STAG1: variants seen among roughly 807,000 people sequenced by gnomAD.
STAG1 encodes the protein cohesin subunit SA-1.
A neutral mutation model predicts 170.9 loss-of-function variants in STAG1; 26 were observed. The ratio of observed to expected loss-of-function variants is 0.15; its 90% CI spans 0.11 to 0.21. The LOEUF (loss-of-function observed/expected upper bound fraction) is 0.21, where lower values mean the gene tolerates loss of function less well. Ranked by LOEUF, STAG1 falls within the 10% of genes least tolerant of loss-of-function variation. The probability of loss-of-function intolerance (pLI) is 1.00; values close to 1 mark genes in which losing one functional copy is unlikely to be tolerated. For missense variants in STAG1, 964 were observed against 1,509.5 expected, an observed-to-expected ratio of 0.64 and a Z score of 5.99; for synonymous variants, 514 against 497.7, an observed-to-expected ratio of 1.03 and a Z score of -0.44.
At chr3:136,654,174 A>T (rs9869361) in intron 1 of STAG1, among the ~76,000 whole-genome samples, 53,045 of 152,050 alleles carry the variant, frequency 0.35, 10,397 homozygotes, top group African/African-American at 0.52. Context: ...AATAAAAGCA[A>T]CCAAATTGAA....
At chr3:136,524,621 T>G (rs1322549132) in intron 6 of STAG1, among the ~76,000 whole-genome samples, 2 of 152,210 alleles carry the variant, frequency 1.3e-5, no homozygotes. Context: ...GGCCAGAACT[T>G]CCAACACTAT....
chr3:136,501,370 AC>A (rs1193803333), intron 8 of STAG1, among the ~76,000 whole-genome samples: 3 of 152,192 alleles, frequency 2.0e-5, no homozygotes, highest in Non-Finnish European at 4.4e-5. Flanking sequence ...TTAGGAGAGG[AC>A]TGTGGCAGAT....
intron 5 of STAG1, among the ~76,000 whole-genome samples, chr3:136,561,355 G>A (rs974986224): frequency 1.3e-5 from 2 of 152,202 alleles, no homozygotes; most frequent in African/African-American, 4.8e-5. Flanking sequence ...AGTTTTCATT[G>A]AGTGCTTTTA....
At chr3:136,602,242 G>A (rs1020870656) in intron 4 of STAG1, among the ~76,000 whole-genome samples, 3 of 151,932 alleles carry the variant, frequency 2.0e-5, no homozygotes, top group African/African-American at 7.3e-5. Flanking sequence ...AGCTGGGCAT[G>A]GTGGTGTGTG....
At chr3:136,352,611 T>C (rs1210106318) in intron 28 of STAG1, among the ~76,000 whole-genome samples, 1 of 152,204 alleles carries the variant, frequency 6.6e-6, no homozygotes, top group African/African-American at 2.4e-5. Context: ...TTACAATGCT[T>C]TGACTTATGA....
chr3:136,683,450 G>C (rs1049151448), intron 1 of STAG1, among the ~76,000 whole-genome samples: 1 of 152,100 alleles, frequency 6.6e-6, no homozygotes, highest in Non-Finnish European at 1.5e-5. Context: ...GTTTTGTAGA[G>C]CTGGGGTTTT....
intron 14 of STAG1, among the ~76,000 whole-genome samples, chr3:136,444,565 C>A (rs915601405): frequency 1.3e-5 from 2 of 152,208 alleles, no homozygotes; most frequent in African/African-American, 4.8e-5. Context: ...GCAATCCATT[C>A]TTGGGTTATT....
intron 14 of STAG1, among the ~76,000 whole-genome samples, chr3:136,449,924 C>T (rs2088890371): frequency 7.8e-6 from 1 of 128,384 alleles, no homozygotes; most frequent in South Asian, 2.5e-4. Flanking sequence ...TTTTTAGAGA[C>T]AGGGTCTTGC....
Position 136,651,817 on chromosome 3 carries a change from TGA to T in STAG1, c.-83-20838_-83-20837del, listed in dbSNP as rs566782587. ...TCAGTGCCATATCTCCAACGGACCC[TGA>T]GATACTTCCATGACATCCTAAGCTC... On this transcript the variant is annotated intron_variant, in intron 1 of 33. Transcript: ENST00000383202. Among the ~76,000 whole-genome samples the T allele has an allele frequency of 2.0e-4, 30 of 152,236 alleles. 1 individual carries two copies. In the South Asian group the frequency reaches 4.4e-3, roughly 22 times the overall value.
At chr3:136,610,756 C>A (rs1302603364) in intron 3 of STAG1, among the ~76,000 whole-genome samples, 1 of 152,036 alleles carries the variant, frequency 6.6e-6, no homozygotes, top group African/African-American at 2.4e-5. Flanking sequence ...AGAAAAAAAA[C>A]ACATTTACTC....
chr3:136,565,042 AAGGGAGGGAGGGAGGGAGGGAGGGAGGG>A (rs1166702763), intron 5 of STAG1, among the ~76,000 whole-genome samples: 15 of 11,496 alleles, frequency 1.3e-3, no homozygotes, highest in Non-Finnish European at 5.8e-4. Context: ...AGGCAGGCAG[AAGGGAGGGAGGGAGGGAGGGAGGGAGGG>A]AGGGAGGGAG....
At chr3:136,710,478 A>G (rs1463195167) in intron 1 of STAG1, among the ~76,000 whole-genome samples, 1 of 152,078 alleles carries the variant, frequency 6.6e-6, no homozygotes, top group African/African-American at 2.4e-5. Flanking sequence ...CTCACACACA[A>G]CACTATGCAG....
intron 9 of STAG1, among the ~76,000 whole-genome samples, chr3:136,488,049 TGA>T (rs547946415): frequency 1.3e-5 from 2 of 152,242 alleles, no homozygotes; most frequent in African/African-American, 4.8e-5. Context: ...TGTAATCTTA[TGA>T]GAGATCTAAG....
At chr3:136,473,768 C>A in intron 10 of STAG1, 131 bp from the exon 11 acceptor site, 1 of 654,612 alleles carries the variant, frequency 1.5e-6, no homozygotes, top group Non-Finnish European at 2.7e-6. Context: ...TAGGATGAGA[C>A]TGAACAATTG....
Position 136,553,939 on chromosome 3 carries a change from G to A in STAG1, c.395-11744C>T, listed in dbSNP as rs527288063. ...ACAGTGATTGTATTAAATGCAAAAG[G>A]GACTAAATGGTGCAACTAAAAGACA... is the stretch of plus-strand genomic sequence containing the variant. On this transcript the variant is annotated intron_variant, in intron 5 of 33. Transcript: ENST00000383202. 2.0e-4 allele frequency among the ~76,000 whole-genome samples: 31 copies of A among 152,016 alleles called. No homozygotes were observed. In the South Asian group the frequency reaches 4.2e-3, roughly 20 times the overall value.
chr3:136,512,266 A>G (rs1934106820), intron 7 of STAG1, among the ~76,000 whole-genome samples: 1 of 152,150 alleles, frequency 6.6e-6, no homozygotes, highest in South Asian at 2.1e-4. Flanking sequence ...TAATCATGCC[A>G]CTGCACTCCA....
At chr3:136,424,630 G>T (rs931678014) in intron 16 of STAG1, among the ~76,000 whole-genome samples, 1 of 152,030 alleles carries the variant, frequency 6.6e-6, no homozygotes, top group East Asian at 1.9e-4. Flanking sequence ...ACTGCGCCCA[G>T]CCTGAGTGGT....
At chr3:136,372,517 C>A (rs1431113441) in intron 23 of STAG1, among the ~76,000 whole-genome samples, 1 of 152,090 alleles carries the variant, frequency 6.6e-6, no homozygotes, top group Non-Finnish European at 1.5e-5. Context: ...TTTTGAGACA[C>A]GTCCCATCAA....
chr3:136,572,548 G>T (rs1325385450), intron 4 of STAG1, among the ~76,000 whole-genome samples: 1 of 142,998 alleles, frequency 7.0e-6, no homozygotes, highest in African/African-American at 2.6e-5. Context: ...AAGCTGCAGT[G>T]AGCTGTGAGC....
Sources: allele counts gnomAD v4.1 joint callset (sites outside exome capture counted in the v4.1 genomes callset), GRCh38; gene constraint gnomAD v4.1.1; transcripts MANE v1.5; gene names NCBI Gene and HGNC (gene_info 2026-07-23, HGNC 2026-07-21).